Variants in SMARCAD1 observed in about 807,000 individuals in gnomAD.
SMARCAD1 encodes SWI/SNF-related matrix-associated actin-dependent regulator of chromatin subfamily A containing DEAD/H box 1.
In SMARCAD1, 25 loss-of-function variants were observed where a neutral mutation model predicts 127.1. The observed-to-expected ratio is 0.20, with a 90% CI of 0.14 to 0.27. The LOEUF (loss-of-function observed/expected upper bound fraction) is 0.27. Ranked by LOEUF, SMARCAD1 falls within the 10% of genes least tolerant of loss-of-function variation. The pLI is 1.00. For missense variants in SMARCAD1, 807 were observed against 1,206.0 expected (o/e 0.67, Z 4.90); for synonymous variants, 400 against 396.9 (o/e 1.01, Z -0.09).
chr4:94,214,986 A>G (rs1007896414), intron 2 of SMARCAD1, among the ~76,000 whole-genome samples: 1 of 152,174 alleles, frequency 6.6e-6, no homozygotes, highest in Non-Finnish European at 1.5e-5. Flanking sequence ...TTGAGTAAAA[A>G]GTCAACTGTT....
chr4:94,255,536 A>T (rs115449559), intron 9 of SMARCAD1, among the ~76,000 whole-genome samples: 1,591 of 151,918 alleles, frequency 0.01, 24 homozygotes, highest in African/African-American at 0.036. Flanking sequence ...GGTAGTAGAC[A>T]TATAAATGTA....
intron 2 of SMARCAD1, among the ~76,000 whole-genome samples, chr4:94,218,738 T>C (rs1470259399): frequency 6.6e-6 from 1 of 152,188 alleles, no homozygotes; most frequent in African/African-American, 2.4e-5. Flanking sequence ...ATTCATCTTT[T>C]ATTAAGATGC....
intron 6 of SMARCAD1, among the ~76,000 whole-genome samples, chr4:94,247,120 T>TGTG (rs1041000895): frequency 6.6e-6 from 1 of 151,770 alleles, no homozygotes; most frequent in Non-Finnish European, 1.5e-5. Context: ...AATTGCTTAT[T>TGTG]GTTTTGATTG....
chr4:94,265,035 A>G, intron 10 of SMARCAD1, 129 bp downstream of exon 10: 1 of 811,004 alleles, frequency 1.2e-6, no homozygotes, highest in Non-Finnish European at 2.0e-6. Flanking sequence ...GGTTTTCTGT[A>G]ATGGCACATA....
intron 6 of SMARCAD1, among the ~76,000 whole-genome samples, chr4:94,241,425 T>C (rs1435524029): frequency 1.3e-5 from 2 of 152,216 alleles, no homozygotes; most frequent in African/African-American, 4.8e-5. Flanking sequence ...CCCCTTTTTA[T>C]AAGGACAACA....
intron 22 of SMARCAD1, 123 bp downstream of exon 22, chr4:94,283,426 A>T: frequency 3.6e-6 from 3 of 826,060 alleles, no homozygotes; most frequent in Non-Finnish European, 6.0e-6. Context: ...ATGGCTACTG[A>T]TGTATTTTAT....
intron 2 of SMARCAD1, among the ~76,000 whole-genome samples, chr4:94,214,121 C>G (rs1024428268): frequency 8.6e-5 from 13 of 152,018 alleles, no homozygotes; most frequent in Non-Finnish European, 1.8e-4. Flanking sequence ...TTAAAAGTAA[C>G]TACTAACCTT....
intron 3 of SMARCAD1, 94 bp from the exon 4 acceptor site, chr4:94,233,860 G>C: frequency 2.4e-6 from 3 of 1,265,590 alleles, no homozygotes; most frequent in South Asian, 2.6e-5. Context: ...AAGAACTGCA[G>C]ATGTGTTGTA....
intron 4 of SMARCAD1, among the ~76,000 whole-genome samples, chr4:94,235,635 T>C (rs964207521): frequency 1.3e-5 from 2 of 150,278 alleles, no homozygotes; most frequent in East Asian, 1.9e-4. Context: ...TGTCTGCTAA[T>C]GTGAATTTTT....
intron 11 of SMARCAD1, among the ~76,000 whole-genome samples, chr4:94,272,972 T>TA (rs1294442404): frequency 6.6e-6 from 1 of 151,946 alleles, no homozygotes; most frequent in Non-Finnish European, 1.5e-5. Context: ...CATGCCTGGC[T>TA]AATTTTGTAT....
chr4:94,208,343 C>T lies in SMARCAD1; in HGVS notation c.-49-3C>T, dbSNP rs770224595. 3.2e-6 allele frequency: 5 copies of T among 1,565,566 alleles called. No individual in the cohort carries two copies. The highest frequency in any genetic ancestry group is 1.1e-5 in the South Asian group (1 of 90,104). ...TTTTCCTCTCTTTATTTTTCCCCTG[C>T]AGATAGTTCATTTAAAGCCCCCATC... On this transcript the variant is annotated splice_polypyrimidine_tract_variant and splice_region_variant and intron_variant, in intron 1 of 23. Transcript: ENST00000354268.
At chr4:94,218,568 C>T (rs1331981323) in intron 2 of SMARCAD1, among the ~76,000 whole-genome samples, 1 of 151,996 alleles carries the variant, frequency 6.6e-6, no homozygotes, top group Non-Finnish European at 1.5e-5. Context: ...GTTGGGATTA[C>T]CGCACCCAGA....
intron 2 of SMARCAD1, among the ~76,000 whole-genome samples, chr4:94,218,108 C>T (rs1339756291): frequency 6.6e-6 from 1 of 152,010 alleles, no homozygotes; most frequent in Non-Finnish European, 1.5e-5. Flanking sequence ...CCTTATATAT[C>T]CTACAATTTT....
chr4:94,212,519 C>G (rs1326623202), intron 2 of SMARCAD1, among the ~76,000 whole-genome samples: 1 of 151,426 alleles, frequency 6.6e-6, no homozygotes, highest in Non-Finnish European at 1.5e-5. Context: ...TGGAGTCTTG[C>G]TCTGTTACCT....
At position 94,264,727 on chromosome 4, in the gene SMARCAD1, T is replaced by G. The variant is rs1246517625; in HGVS notation, c.1302T>G (p.Thr434=). The change falls in exon 10 of 24, where the codon ACT becomes ACG. Residue 434 remains threonine, a synonymous_variant. Coordinates refer to ENST00000354268, the MANE Select transcript of SMARCAD1 (RefSeq NM_020159.5). Reference sequence around the variant, plus strand: ...TATAGTTCACAAAGATGTCCAAAACTAATGGCTTATCAGAAGATTTGATAT... The same window carrying G: ...TATAGTTCACAAAGATGTCCAAAACGAATGGCTTATCAGAAGATTTGATAT... ...WEALFTKMSK[T]NGLSEDLIWH... is the part of the protein sequence containing the mutation. The G allele has an allele frequency of 6.2e-7, 1 of 1,611,970 alleles. No homozygotes were observed. Among genetic ancestry groups the G allele is most frequent in the Non-Finnish European group, 8.5e-7 (1 of 1,178,892 alleles).
upstream of SMARCAD1, chr4:94,207,659 C>T (rs1203989183): frequency 6.4e-6 from 1 of 155,098 alleles, no homozygotes; most frequent in Non-Finnish European, 1.4e-5. Context: ...GGTCCCGGCA[C>T]GGCTACCGTC....
rs1424758749 is a variant in SMARCAD1, at chr4:94,253,326, G to A, written c.1281+319G>A. 4 of 1,337,814 alleles carry A rather than the reference G, an allele frequency of 3.0e-6. No individual in the cohort carries two copies. In the South Asian group the frequency reaches 3.7e-5, roughly 12 times the overall value. 82.9% of individuals were successfully genotyped at this position (1,337,814 alleles called of 1,614,324 possible). A position where few individuals can be genotyped will look rare whatever the true frequency, so the allele number is the denominator to read the frequency against. ...TAGAGCTTACATTTAGGAAGGAGTT[G>A]TTTGCTAGCCTGTTCTGATCTGTTA... On this transcript the variant is annotated intron_variant, in intron 9 of 23. Transcript: ENST00000354268.
chr4:94,282,092 G>GTTT (rs144409121), intron 21 of SMARCAD1, among the ~76,000 whole-genome samples: 57,473 of 110,166 alleles, frequency 0.52, 15,797 homozygotes, highest in East Asian at 0.71. Context: ...ATGCAAATAC[G>GTTT]TTTTTTTGTT....
intron 6 of SMARCAD1, among the ~76,000 whole-genome samples, chr4:94,245,418 T>C (rs1281737839): frequency 6.6e-6 from 1 of 152,304 alleles, no homozygotes; most frequent in African/African-American, 2.4e-5. Context: ...GCTGAAGATA[T>C]TAGGATAGTC....
Sources: gnomAD v4.1 joint callset for allele counts (sites outside exome capture counted in the v4.1 genomes callset) on GRCh38, gnomAD v4.1.1 for gene constraint, MANE v1.5 for transcripts, NCBI Gene and HGNC (gene_info 2026-07-23, HGNC 2026-07-21) for gene names.